The following HOOK3 variants were observed in gnomAD, a reference collection of about 807,000 sequenced individuals.
HOOK3 encodes the protein hook microtubule tethering protein 3, also known as protein Hook homolog 3.
A neutral mutation model predicts 116.3 loss-of-function variants in HOOK3; 24 were observed. The observed-to-expected ratio is 0.21, with a 90% confidence interval of 0.15 to 0.29. The LOEUF (loss-of-function observed/expected upper bound fraction) is 0.29. HOOK3 is among the 10% of genes least tolerant of loss of function. The pLI is 1.00. For synonymous variants in HOOK3, 275 were observed against 283.0 expected, an observed-to-expected ratio of 0.97 and a Z score of 0.28; for missense variants, 632 against 830.2, an observed-to-expected ratio of 0.76 and a Z score of 2.93.
intron 2 of HOOK3, among the ~76,000 whole-genome samples, chr8:42,917,366 G>A (rs1333833657): frequency 1.3e-5 from 2 of 152,176 alleles, no homozygotes; most frequent in Non-Finnish European, 2.9e-5. Flanking sequence ...ATGTGATTGA[G>A]CTCAGTCTCC....
rs1808635790 is a variant in HOOK3 at position 42,966,527 on chromosome 8, G to C, written c.834G>C (p.Glu278Asp). 6.2e-7 allele frequency: 1 copy of C among 1,614,000 alleles called. No homozygotes were observed. Among genetic ancestry groups the C allele is most frequent in the Non-Finnish European group, 8.5e-7 (1 of 1,179,958 alleles). ...YRIRCEELEKEISELRQQNDE... is the reference protein window; with the variant it reads ...YRIRCEELEKDISELRQQNDE... ...TACGTTGTGAAGAGTTAGAAAAGGA[G>C]ATCTCTGAACTTCGGCAACAGAATG... is the stretch of plus-strand genomic sequence containing the variant. Residue 278 changes from glutamate (E) to aspartate (D), a missense_variant, in exon 10 of 22, where the codon GAG becomes GAC. Glu to Asp is a conservative substitution (Grantham distance 45). Transcript: ENST00000307602.
At chr8:42,931,202 C>T (rs1356476462) in intron 4 of HOOK3, among the ~76,000 whole-genome samples, 2 of 152,158 alleles carry the variant, frequency 1.3e-5, no homozygotes, top group Non-Finnish European at 2.9e-5. Flanking sequence ...TCCCTCAGCT[C>T]CTGGCATTTC....
At chr8:42,910,458 C>G (rs778875597) in intron 2 of HOOK3, among the ~76,000 whole-genome samples, 2 of 152,110 alleles carry the variant, frequency 1.3e-5, no homozygotes, top group Non-Finnish European at 2.9e-5. Context: ...AACGTCCACT[C>G]AGATTGAGAT....
chr8:43,018,537 A>T lies in HOOK3; in HGVS notation c.*39A>T. ...CTCAATCACAGACACCTGCACCCAC[A>T]ACATACTTCTGTTACACACAAGAAC... is the stretch of plus-strand genomic sequence containing the variant. On this transcript the variant is annotated 3_prime_UTR_variant, in exon 22 of 22. Transcript: ENST00000307602. The T allele has an allele frequency of 6.5e-7, 1 of 1,548,028 alleles. No homozygotes were observed.
chr8:42,898,830 A>C (rs1807120661), intron 1 of HOOK3, among the ~76,000 whole-genome samples: 1 of 152,232 alleles, frequency 6.6e-6, no homozygotes, highest in Non-Finnish European at 1.5e-5. Context: ...CATACGCCTA[A>C]CCGTCCAAAC....
In HOOK3 at chr8:43,029,424, A is replaced by C. The variant is rs1809991530; in HGVS notation, c.*10926A>C. On this transcript the variant is annotated 3_prime_UTR_variant, in exon 22 of 22. Coordinates refer to ENST00000307602, the MANE Select transcript of HOOK3 (RefSeq NM_032410.4). ...TGGCCTCCTGAAGTGCTGGGATTAC[A>C]GGCATGAGCCACTGCGCCCGGCCCA... The C allele has an allele frequency of 5.7e-6, 1 of 174,146 alleles. No homozygotes were observed. Among genetic ancestry groups the C allele is most frequent in the South Asian group, 2.0e-4 (1 of 5,002 alleles). The allele number at this position is 174,146 out of a possible 1,614,324, so 10.8% of individuals were successfully genotyped here. A position where few individuals can be genotyped will look rare whatever the true frequency, so the allele number is the denominator to read the frequency against.
At chr8:42,938,627 G>C (rs11995473) in intron 4 of HOOK3, among the ~76,000 whole-genome samples, 7,203 of 151,928 alleles carry the variant, frequency 0.047, 343 homozygotes, top group African/African-American at 0.12. Context: ...GTCTGTAAAG[G>C]GTTTTATTTC....
At chr8:42,905,808 A>G (rs1048107824) in intron 1 of HOOK3, among the ~76,000 whole-genome samples, 1 of 150,958 alleles carries the variant, frequency 6.6e-6, no homozygotes, top group Non-Finnish European at 1.5e-5. Flanking sequence ...ATTTTCAGCC[A>G]GGTGCGGTGG....
At position 43,025,224 on chromosome 8, in the gene HOOK3, G is replaced by C. The variant is rs1339677164; in HGVS notation, c.*6726G>C. On this transcript the variant is annotated 3_prime_UTR_variant, in exon 22 of 22. Coordinates refer to ENST00000307602, the MANE Select transcript of HOOK3 (RefSeq NM_032410.4). ...TATAGATATAGATCAGGAATTACTT[G>C]ATGTCTCTTCAGAAGTTTTCTGTTT... is the stretch of plus-strand genomic sequence containing the variant. 1 of 205,784 alleles carries C rather than the reference G, an allele frequency of 4.9e-6. No individual in the cohort carries two copies. The highest frequency in any genetic ancestry group is 9.9e-6 in the Non-Finnish European group (1 of 100,658). The allele number at this position is 205,784 out of a possible 1,614,324, so 12.7% of individuals were successfully genotyped here. A position where few individuals can be genotyped will look rare whatever the true frequency, so the allele number is the denominator to read the frequency against.
chr8:42,942,398 T>C lies in HOOK3; in HGVS notation c.268-915T>C, dbSNP rs141391301. Among the ~76,000 whole-genome samples, 267 of 152,372 alleles carry C rather than the reference T, an allele frequency of 1.8e-3. 1 individual carries two copies. The highest frequency in any genetic ancestry group is 2.8e-3 in the Non-Finnish European group (188 of 68,032). ...AAGGTAATTGTGAAGTGAACAGCCA[T>C]GTAACATAGGTTGGTTGAATGTCAC... is the stretch of plus-strand genomic sequence containing the variant. On this transcript the variant is annotated intron_variant, in intron 4 of 21. Transcript: ENST00000307602.
intron 9 of HOOK3, 31 bp downstream of exon 9, chr8:42,964,505 T>A (rs758554033): frequency 5.6e-6 from 9 of 1,598,620 alleles, no homozygotes; most frequent in African/African-American, 5.4e-5. Context: ...ATCTGATTTT[T>A]AAAAATTTGT....
chr8:42,989,833 A>C (rs1369691081), intron 15 of HOOK3, among the ~76,000 whole-genome samples: 2 of 152,132 alleles, frequency 1.3e-5, no homozygotes, highest in Non-Finnish European at 2.9e-5. Context: ...AAGTGAGAGC[A>C]TGTGAAGTTT....
At position 43,025,295 on chromosome 8, in the gene HOOK3, G is replaced by A. The variant is rs1338260614; in HGVS notation, c.*6797G>A. On this transcript the variant is annotated 3_prime_UTR_variant, in exon 22 of 22. Coordinates refer to ENST00000307602, the MANE Select transcript of HOOK3 (RefSeq NM_032410.4). ...CTCTGTAAGACTCGGTTTGCATGCT[G>A]TGTGTGTTTGCATGAGTATAGAAAC... 4.8e-6 allele frequency: 1 copy of A among 210,086 alleles called. No homozygotes were observed. Among genetic ancestry groups the A allele is most frequent in the Non-Finnish European group, 9.7e-6 (1 of 103,454 alleles). 13.0% of individuals were successfully genotyped at this position (210,086 alleles called of 1,614,324 possible). A position where few individuals can be genotyped will look rare whatever the true frequency, so the allele number is the denominator to read the frequency against.
chr8:42,994,130 C>G (rs957611242), intron 15 of HOOK3, among the ~76,000 whole-genome samples: 1 of 152,102 alleles, frequency 6.6e-6, no homozygotes, highest in African/African-American at 2.4e-5. Flanking sequence ...ATTCTCCTGC[C>G]TCAGCCTCCA....
chr8:42,959,994 G>A (rs1456314659), intron 8 of HOOK3, among the ~76,000 whole-genome samples: 2 of 152,010 alleles, frequency 1.3e-5, no homozygotes, highest in Non-Finnish European at 2.9e-5. Flanking sequence ...ATTGAAGAAG[G>A]TAATCACATC....
Position 42,982,637 on chromosome 8 carries a change from T to C in HOOK3, c.1332T>C (p.Pro444=), listed in dbSNP as rs772833376. ...TTTGTATATTTACAGGGTTAATGCCTCTTGGAAGTCAGGAGTCTTCAGACA... is the reference window on the plus strand; with the variant it reads ...TTTGTATATTTACAGGGTTAATGCCCCTTGGAAGTCAGGAGTCTTCAGACA... ...EGQLTTQGLM[P]LGSQESSDSL... is the part of the protein sequence containing the mutation. The change falls in exon 14 of 22, where the codon CCT becomes CCC. Residue 444 remains proline (P), a synonymous_variant. Transcript: ENST00000307602. The C allele has an allele frequency of 2.5e-6, 4 of 1,609,412 alleles. No individual in the cohort carries two copies. The East Asian group carries it at 6.7e-5, about 27-fold the overall frequency.
At chr8:42,931,645 G>C (rs1807875414) in intron 4 of HOOK3, among the ~76,000 whole-genome samples, 1 of 151,538 alleles carries the variant, frequency 6.6e-6, no homozygotes, top group African/African-American at 2.4e-5. Flanking sequence ...TGTTAGCCAG[G>C]ATGGTCTCGA....
At chr8:42,966,167 CAT>C (rs1808628512) in intron 9 of HOOK3, among the ~76,000 whole-genome samples, 1 of 151,988 alleles carries the variant, frequency 6.6e-6, no homozygotes, top group Admixed American at 6.6e-5. Context: ...TGTGCCAGAC[CAT>C]ATGTGTTAAT....
intron 11 of HOOK3, among the ~76,000 whole-genome samples, chr8:42,972,102 T>C (rs1223566526): frequency 6.6e-6 from 1 of 152,224 alleles, no homozygotes; most frequent in Non-Finnish European, 1.5e-5. Flanking sequence ...TGGTTGTTAT[T>C]GCTGTTAATG....
Sources: allele counts gnomAD v4.1 joint callset (sites outside exome capture counted in the v4.1 genomes callset), GRCh38; gene constraint gnomAD v4.1.1; transcripts MANE v1.5; gene names NCBI Gene and HGNC (gene_info 2026-07-23, HGNC 2026-07-21).